The following MAGI2 variants were observed in gnomAD, a reference collection of about 807,000 sequenced individuals.
The protein encoded by MAGI2 is membrane associated guanylate kinase, WW and PDZ domain containing 2.
A neutral mutation model predicts 133.3 loss-of-function variants in MAGI2; 35 were observed. The ratio of observed to expected loss-of-function variants is 0.26; its 90% CI spans 0.20 to 0.35. The LOEUF (loss-of-function observed/expected upper bound fraction) is 0.35, where lower values mean the gene tolerates loss of function less well. MAGI2 is among the 10% of genes least tolerant of loss of function. The pLI, the probability that MAGI2 is intolerant of heterozygous loss-of-function variation, is 1.00. For missense variants in MAGI2, 1,636 were observed against 1,863.4 expected (o/e 0.88, Z 2.25); for synonymous variants, 729 against 710.6 (o/e 1.03, Z -0.41).
At chr7:79,179,748 G>C (rs1276813115) in intron 1 of MAGI2, among the ~76,000 whole-genome samples, 6 of 151,938 alleles carry the variant, frequency 3.9e-5, no homozygotes, top group Non-Finnish European at 8.8e-5. Flanking sequence ...CTAGATTCTT[G>C]TCTGTGACCA....
At position 79,371,397 on chromosome 7, in the gene MAGI2, TATA is replaced by T. The variant is rs1354257988; in HGVS notation, c.301+81620_301+81622del. On this transcript the variant is annotated intron_variant, in intron 1 of 21. Transcript: ENST00000354212. Reference sequence around the variant, plus strand: ...TTACTAAAAGGAAAAAAAAATAACTTATAATAACACAATCATGAGCCACATGAC... The same window carrying T: ...TTACTAAAAGGAAAAAAAAATAACTTATAACACAATCATGAGCCACATGAC... Among the ~76,000 whole-genome samples, 4 of 152,232 alleles carry T rather than the reference TATA, an allele frequency of 2.6e-5. No homozygotes were observed. The East Asian group carries it at 7.7e-4, about 29-fold the overall frequency.
intron 10 of MAGI2, among the ~76,000 whole-genome samples, chr7:78,248,843 G>T (rs575293367): frequency 2.0e-5 from 3 of 151,986 alleles, no homozygotes; most frequent in African/African-American, 7.2e-5. Context: ...CAAAAGCACA[G>T]GCAATAAAAA....
chr7:78,489,895 ATTCC>A, intron 5 of MAGI2, 55 bp from the exon 6 acceptor site: 2 of 1,216,066 alleles, frequency 1.6e-6, no homozygotes, highest in Non-Finnish European at 1.1e-6. Flanking sequence ...AATCAAGTTT[ATTCC>A]TTAAGAAAAA....
chr7:79,161,584 G>T (rs1460766313), intron 1 of MAGI2, among the ~76,000 whole-genome samples: 1 of 152,008 alleles, frequency 6.6e-6, no homozygotes, highest in African/African-American at 2.4e-5. Context: ...CTCTTTCCTA[G>T]AACTAATTAT....
chr7:78,777,925 T>C (rs932184292), intron 2 of MAGI2, among the ~76,000 whole-genome samples: 18 of 152,174 alleles, frequency 1.2e-4, no homozygotes, highest in African/African-American at 4.1e-4. Flanking sequence ...TAATTCATCA[T>C]ATATTAACAA....
intron 2 of MAGI2, among the ~76,000 whole-genome samples, chr7:78,868,198 A>C (rs1012610540): frequency 3.1e-5 from 4 of 130,636 alleles, no homozygotes; most frequent in African/African-American, 1.3e-4. Flanking sequence ...GGCATACTTA[A>C]TTAAGAATGA....
chr7:78,033,111 G>A (rs1809766363), intron 21 of MAGI2, among the ~76,000 whole-genome samples: 1 of 152,164 alleles, frequency 6.6e-6, no homozygotes, highest in African/African-American at 2.4e-5. Context: ...AGACATGATG[G>A]TAGCTTGGAT....
At chr7:79,005,161 T>G (rs984030760) in intron 2 of MAGI2, among the ~76,000 whole-genome samples, 1 of 150,616 alleles carries the variant, frequency 6.6e-6, no homozygotes, top group Admixed American at 6.6e-5. Flanking sequence ...AAGCAATTTT[T>G]ATAATATAAG....
chr7:78,533,151 A>C (rs1034411034), intron 3 of MAGI2, among the ~76,000 whole-genome samples: 1 of 152,114 alleles, frequency 6.6e-6, no homozygotes, highest in African/African-American at 2.4e-5. Context: ...TAATTCTTTA[A>C]AGGTGTAAAG....
At chr7:78,388,038 G>T (rs1385906343) in intron 6 of MAGI2, among the ~76,000 whole-genome samples, 1 of 152,150 alleles carries the variant, frequency 6.6e-6, no homozygotes, top group Non-Finnish European at 1.5e-5. Flanking sequence ...CTATTAAACA[G>T]TATGAAGTAA....
At chr7:78,540,513 G>C (rs1342788247) in intron 3 of MAGI2, among the ~76,000 whole-genome samples, 2 of 152,194 alleles carry the variant, frequency 1.3e-5, no homozygotes, top group African/African-American at 4.8e-5. Context: ...CCTCTGGACT[G>C]AGAGAGAAAG....
chr7:79,132,656 C>T (rs969442936), intron 1 of MAGI2, among the ~76,000 whole-genome samples: 4 of 151,830 alleles, frequency 2.6e-5, no homozygotes, highest in African/African-American at 2.4e-5. Context: ...GCGTAGATAC[C>T]CAGGAGTGGG....
chr7:78,397,858 A>G (rs1431019781), intron 6 of MAGI2, among the ~76,000 whole-genome samples: 2 of 152,212 alleles, frequency 1.3e-5, no homozygotes, highest in African/African-American at 4.8e-5. Flanking sequence ...CCTTAAAAAA[A>G]TAAGTAGAGG....
At chr7:79,189,349 A>T (rs1310991765) in intron 1 of MAGI2, among the ~76,000 whole-genome samples, 2 of 149,436 alleles carry the variant, frequency 1.3e-5, no homozygotes, top group Non-Finnish European at 3.0e-5. Flanking sequence ...CCCTTCTTTA[A>T]CTTGAATGTT....
At chr7:78,106,461 T>A (rs969420811) in intron 20 of MAGI2, among the ~76,000 whole-genome samples, 2 of 152,176 alleles carry the variant, frequency 1.3e-5, no homozygotes, top group Non-Finnish European at 2.9e-5. Context: ...TATGCTAATT[T>A]ACATTCCCAC....
intron 1 of MAGI2, among the ~76,000 whole-genome samples, chr7:79,341,128 T>C (rs1055697297): frequency 6.6e-6 from 1 of 152,156 alleles, no homozygotes; most frequent in Non-Finnish European, 1.5e-5. Context: ...ATAGCACTTA[T>C]GTTGTAAGTA....
chr7:78,888,840 A>G (rs1323649964), intron 2 of MAGI2, among the ~76,000 whole-genome samples: 1 of 152,228 alleles, frequency 6.6e-6, no homozygotes, highest in Non-Finnish European at 1.5e-5. Flanking sequence ...CTCCAAAGGA[A>G]CGCAGCTACT....
At chr7:79,330,206 T>G (rs1839968998) in intron 1 of MAGI2, among the ~76,000 whole-genome samples, 1 of 138,220 alleles carries the variant, frequency 7.2e-6, no homozygotes, top group Non-Finnish European at 1.6e-5. Flanking sequence ...TTTTTTTTTT[T>G]TTTTTTAGAA....
At chr7:78,803,884 T>C (rs1788294290) in intron 2 of MAGI2, among the ~76,000 whole-genome samples, 1 of 152,210 alleles carries the variant, frequency 6.6e-6, no homozygotes, top group South Asian at 2.1e-4. Flanking sequence ...AACCATTTAG[T>C]ATTAAAATTG....
Sources: allele counts gnomAD v4.1 joint callset (sites outside exome capture counted in the v4.1 genomes callset), GRCh38; gene constraint gnomAD v4.1.1; transcripts MANE v1.5; gene names NCBI Gene and HGNC (gene_info 2026-07-23, HGNC 2026-07-21).